The following CSMD3 variants were observed in gnomAD, a reference collection of about 807,000 sequenced individuals.
The protein encoded by CSMD3 is CUB and sushi domain-containing protein 3.
A neutral mutation model predicts 435.2 loss-of-function variants in CSMD3; 177 were observed. That is an observed-to-expected ratio of 0.41 (90% confidence interval 0.36 to 0.46). CSMD3 has a LOEUF of 0.46. Ranked by LOEUF, CSMD3 falls within the 20% of genes least tolerant of loss-of-function variation. CSMD3 has a pLI of 0.34. For missense variants in CSMD3, 4,265 were observed against 4,504.6 expected (o/e 0.95, Z 1.52); for synonymous variants, 1,656 against 1,520.5 (o/e 1.09, Z -2.07).
intron 44 of CSMD3, 64 bp downstream of exon 44, chr8:112,336,588 T>G: frequency 7.9e-7 from 1 of 1,271,868 alleles, no homozygotes; most frequent in East Asian, 2.3e-5. Context: ...TGATATATTT[T>G]TATTCCAACC....
chr8:112,383,823 G>T (rs944753141), intron 36 of CSMD3, among the ~76,000 whole-genome samples, 160 bp from the exon 37 acceptor site: 2 of 152,026 alleles, frequency 1.3e-5, no homozygotes, highest in Non-Finnish European at 1.5e-5. Context: ...TTCCATTATT[G>T]CACTGGCTTA....
intron 38 of CSMD3, among the ~76,000 whole-genome samples, chr8:112,356,765 A>C (rs1296957769): frequency 6.6e-6 from 1 of 152,016 alleles, no homozygotes; most frequent in African/African-American, 2.4e-5. Flanking sequence ...GTTCCCCTGC[A>C]CGAGCTCTCT....
chr8:113,407,186 T>C (rs992807989), intron 1 of CSMD3, among the ~76,000 whole-genome samples: 1 of 152,168 alleles, frequency 6.6e-6, no homozygotes, highest in African/African-American at 2.4e-5. Context: ...AATAATGTTT[T>C]ATATAAATAA....
chr8:112,281,051 A>G (rs1014827096), intron 59 of CSMD3, 123 bp downstream of exon 59: 1 of 730,964 alleles, frequency 1.4e-6, no homozygotes, highest in Non-Finnish European at 2.3e-6. Flanking sequence ...TTTAATCTGA[A>G]AGGCAGTACA....
intron 42 of CSMD3, among the ~76,000 whole-genome samples, chr8:112,339,062 C>T (rs1158972140): frequency 6.6e-6 from 1 of 151,838 alleles, no homozygotes; most frequent in African/African-American, 2.4e-5. Context: ...AAAGGAAAAC[C>T]CTAACTTTCC....
At chr8:113,086,926 C>T (rs995697947) in intron 5 of CSMD3, among the ~76,000 whole-genome samples, 14 of 152,108 alleles carry the variant, frequency 9.2e-5, no homozygotes, top group African/African-American at 7.2e-5. Context: ...TGTGTGTTTT[C>T]CAACAAGGCA....
At chr8:112,273,746 G>C (rs538552974) in intron 59 of CSMD3, among the ~76,000 whole-genome samples, 15 of 132,902 alleles carry the variant, frequency 1.1e-4, no homozygotes, top group Non-Finnish European at 2.2e-4. Flanking sequence ...AAAAAAAATT[G>C]AGTTGGAATG....
chr8:113,026,275 G>C (rs2086873059), intron 5 of CSMD3, among the ~76,000 whole-genome samples: 1 of 152,332 alleles, frequency 6.6e-6, no homozygotes, highest in Non-Finnish European at 1.5e-5. Flanking sequence ...GGGGAACAGA[G>C]TGGCAGAGAT....
chr8:112,945,879 G>A (rs992129247), intron 9 of CSMD3, among the ~76,000 whole-genome samples: 8 of 151,498 alleles, frequency 5.3e-5, no homozygotes, highest in African/African-American at 1.9e-4. Flanking sequence ...CTTCCCTGCC[G>A]GTGGGACACA....
chr8:112,824,088 T>C (rs2079606557), intron 12 of CSMD3, among the ~76,000 whole-genome samples: 1 of 152,158 alleles, frequency 6.6e-6, no homozygotes, highest in Admixed American at 6.5e-5. Flanking sequence ...CCCTTCTTTG[T>C]CTTTTTTTAT....
At chr8:113,377,593 C>T (rs548001594) in intron 1 of CSMD3, among the ~76,000 whole-genome samples, 1 of 152,084 alleles carries the variant, frequency 6.6e-6, no homozygotes, top group African/African-American at 2.4e-5. Flanking sequence ...AATTTTTCTA[C>T]GAGTTTGTGT....
In CSMD3 at chr8:112,693,507, G is replaced by A. The variant is rs2076184004; in HGVS notation, c.1973-3457C>T. 3.3e-5 allele frequency among the ~76,000 whole-genome samples: 5 copies of A among 152,002 alleles called. No homozygotes were observed. The South Asian group carries it at 1.0e-3, about 32-fold the overall frequency. ...AGTCTATTATCCATCCACTATTCCT[G>A]ATAAGAAATATGATATCAAATTGAT... On this transcript the variant is annotated intron_variant, in intron 13 of 70. Transcript: ENST00000297405.
intron 22 of CSMD3, among the ~76,000 whole-genome samples, chr8:112,590,484 C>A (rs1233356673): frequency 6.6e-6 from 1 of 151,976 alleles, no homozygotes; most frequent in Non-Finnish European, 1.5e-5. Flanking sequence ...GTTCTAGGAA[C>A]TGAAAGACCT....
chr8:113,084,490 T>G (rs777717397), intron 5 of CSMD3, among the ~76,000 whole-genome samples: 1 of 151,672 alleles, frequency 6.6e-6, no homozygotes, highest in African/African-American at 2.4e-5. Context: ...TGCTCATGGA[T>G]TGGAAAAATT....
chr8:113,074,998 T>C (rs1044496123), intron 5 of CSMD3, among the ~76,000 whole-genome samples: 124 of 149,378 alleles, frequency 8.3e-4, no homozygotes, highest in Non-Finnish European at 8.3e-4. Context: ...TTTATGATAA[T>C]TTTTTGTAGG....
At chr8:112,523,905 A>C (rs1184927267) in intron 27 of CSMD3, among the ~76,000 whole-genome samples, 1 of 152,124 alleles carries the variant, frequency 6.6e-6, no homozygotes, top group Non-Finnish European at 1.5e-5. Context: ...TGACAGACAC[A>C]TTCTAAACAA....
intron 3 of CSMD3, among the ~76,000 whole-genome samples, chr8:113,206,922 C>G (rs1014617688): frequency 1.3e-5 from 2 of 152,092 alleles, no homozygotes; most frequent in Non-Finnish European, 2.9e-5. Context: ...ACAATAGTTT[C>G]TGCTGATGTT....
In CSMD3 at chr8:112,515,013, C is replaced by T. The variant is rs542859172; in HGVS notation, c.4756+2021G>A. On this transcript the variant is annotated intron_variant, in intron 28 of 70. Coordinates refer to ENST00000297405, the MANE Select transcript of CSMD3 (RefSeq NM_198123.2). ...TCATTATCTATAGAAAAACCTCACA[C>T]AACCTGCTTAACTTAAGTAAGACTT... Among the ~76,000 whole-genome samples the T allele has an allele frequency of 1.3e-4, 20 of 152,132 alleles. 1 individual carries two copies. Among genetic ancestry groups the T allele is most frequent in the African/African-American group, 4.8e-4 (20 of 41,534 alleles).
chr8:112,685,479 A>G lies in CSMD3; in HGVS notation c.2409T>C (p.Asn803=), dbSNP rs2075990623. 5 of 1,614,058 alleles carry G rather than the reference A, an allele frequency of 3.1e-6. No individual in the cohort carries two copies. Among genetic ancestry groups the G allele is most frequent in the Non-Finnish European group, 4.2e-6 (5 of 1,179,982 alleles). ...GAAATTCCAATCGCAGTATGTGACT[A>G]TTACTAGTAAGATGGGAAGGCACCT... The part of the protein sequence containing the change: ...GAEVPSHLTS[N]SHILRLEFQA... The change falls in exon 15 of 71, where the codon AAT becomes AAC. Residue 803 remains asparagine (N), a synonymous_variant. Transcript: ENST00000297405.
Sources: allele counts gnomAD v4.1 joint callset (sites outside exome capture counted in the v4.1 genomes callset), GRCh38; gene constraint gnomAD v4.1.1; transcripts MANE v1.5; gene names NCBI Gene and HGNC (gene_info 2026-07-23, HGNC 2026-07-21).